The following METTL6 variants were observed in gnomAD, a reference collection of about 807,000 sequenced individuals.
The protein encoded by METTL6 is methyltransferase 6, tRNA N3-cytidine.
In METTL6, 22 loss-of-function variants were observed where a neutral mutation model predicts 26.4. The ratio of observed to expected loss-of-function variants is 0.83; its 90% CI spans 0.59 to 1.19. The LOEUF (loss-of-function observed/expected upper bound fraction) is 1.19. Among genes scored for constraint, METTL6 ranks in the 50% most tolerant of loss-of-function variants. METTL6 has a pLI of 0.00. For missense variants in METTL6, 304 were observed against 324.8 expected (o/e 0.94, Z 0.49); for synonymous variants, 109 against 116.2 (o/e 0.94, Z 0.40).
rs1699906850 is a variant in METTL6 at position 15,410,063 on chromosome 3, C to T, written c.*1193G>A. On this transcript the variant is annotated 3_prime_UTR_variant, in exon 6 of 6. Coordinates refer to ENST00000383790, the MANE Select transcript of METTL6 (RefSeq NM_152396.4). ...TTTCTTTGTGGAATTTTACAGTGAA[C>T]AATATGGCTAAATTATGTTATTCTA... is the stretch of plus-strand genomic sequence containing the variant. Among the ~76,000 whole-genome samples the T allele has an allele frequency of 1.3e-5, 2 of 152,038 alleles. No individual in the cohort carries two copies. The highest frequency in any genetic ancestry group is 4.8e-5 in the African/African-American group (2 of 41,392).
At chr3:15,422,922 GATTTAA>G (rs1296675776) in intron 3 of METTL6, among the ~76,000 whole-genome samples, 1 of 152,110 alleles carries the variant, frequency 6.6e-6, no homozygotes, top group Admixed American at 6.5e-5. Flanking sequence ...TATTTTACCT[GATTTAA>G]ATTTAACTTC....
downstream of METTL6, among the ~76,000 whole-genome samples, chr3:15,408,583 T>C (rs11712835): frequency 0.032 from 4,000 of 123,718 alleles, 86 homozygotes; most frequent in Non-Finnish European, 0.049. Flanking sequence ...TTTTTTTCAA[T>C]TGGACACGGG....
downstream of METTL6, among the ~76,000 whole-genome samples, chr3:15,408,382 T>G (rs192524766): frequency 6.6e-6 from 1 of 152,290 alleles, no homozygotes; most frequent in Non-Finnish European, 1.5e-5. Flanking sequence ...GAAATGATAC[T>G]CACGTGCCAT....
chr3:15,411,140 C>T lies in METTL6; in HGVS notation c.*116G>A. Reference sequence around the variant, plus strand: ...AAACTCCTGACCTCAGATGATCCCCCAACCTCGGCCTCCCGAAGTGCTGGG... The same window carrying T: ...AAACTCCTGACCTCAGATGATCCCCTAACCTCGGCCTCCCGAAGTGCTGGG... On this transcript the variant is annotated 3_prime_UTR_variant, in exon 6 of 6. Coordinates refer to ENST00000383790, the MANE Select transcript of METTL6 (RefSeq NM_152396.4). 8.5e-7 allele frequency: 1 copy of T among 1,172,080 alleles called. No homozygotes were observed. The highest frequency in any genetic ancestry group is 1.2e-6 in the Non-Finnish European group (1 of 846,808). 72.6% of individuals were successfully genotyped at this position (1,172,080 alleles called of 1,614,324 possible). A position where few individuals can be genotyped will look rare whatever the true frequency, so the allele number is the denominator to read the frequency against.
At chr3:15,390,421 C>T (rs1575386506) in intron 6 of METTL6, among the ~76,000 whole-genome samples, 3 of 152,194 alleles carry the variant, frequency 2.0e-5, no homozygotes, top group Admixed American at 2.0e-4. Context: ...GAGCAAGACT[C>T]TGTCTCAAAA....
At chr3:15,412,976 G>A (rs1330084072) in intron 5 of METTL6, among the ~76,000 whole-genome samples, 2 of 152,182 alleles carry the variant, frequency 1.3e-5, no homozygotes, top group Non-Finnish European at 2.9e-5. Flanking sequence ...TGGGCATGGT[G>A]GCTCATACCT....
intron 6 of METTL6, among the ~76,000 whole-genome samples, chr3:15,394,963 G>GA (rs1342411339): frequency 6.6e-6 from 1 of 152,230 alleles, no homozygotes; most frequent in Non-Finnish European, 1.5e-5. Context: ...GTGCTGAAAA[G>GA]AATGTATATT....
chr3:15,419,849 G>A (rs1252994404), intron 3 of METTL6, among the ~76,000 whole-genome samples: 2 of 150,432 alleles, frequency 1.3e-5, no homozygotes, highest in Admixed American at 6.6e-5. Flanking sequence ...TATAAATAGG[G>A]TAACTGTTTT....
At chr3:15,414,302 C>T in intron 4 of METTL6, 140 bp from the exon 5 acceptor site, 3 of 1,441,136 alleles carry the variant, frequency 2.1e-6, no homozygotes, top group South Asian at 3.0e-5. Context: ...CCAAAATGGC[C>T]TACTACTTAA....
chr3:15,405,841 G>A (rs1041945167), downstream of METTL6, among the ~76,000 whole-genome samples: 22 of 152,296 alleles, frequency 1.4e-4, no homozygotes, highest in African/African-American at 4.8e-4. Flanking sequence ...CAGCAGCCCT[G>A]CCAGGTACTA....
At chr3:15,407,631 CTA>C (rs1699838123), downstream of METTL6, among the ~76,000 whole-genome samples, 1 of 152,162 alleles carries the variant, frequency 6.6e-6, no homozygotes, top group Non-Finnish European at 1.5e-5. Context: ...ACTGAGAACA[CTA>C]TTGATGGAAA....
chr3:15,415,668 T>C lies in METTL6; in HGVS notation c.531+104A>G, dbSNP rs1416967422. On this transcript the variant is annotated intron_variant, in intron 4 of 5. Transcript: ENST00000383790. ...CACTACACAGCCTACCTAGTGAGAA[T>C]GGAGAGACTATGTGAATCTAGACAG... 7 of 1,600,770 alleles carry C rather than the reference T, an allele frequency of 4.4e-6. No individual in the cohort carries two copies. In the African/African-American group the frequency reaches 9.4e-5, roughly 21 times the overall value.
chr3:15,421,469 T>C (rs2061610002), intron 3 of METTL6, among the ~76,000 whole-genome samples: 2 of 152,072 alleles, frequency 1.3e-5, no homozygotes, highest in Non-Finnish European at 2.9e-5. Flanking sequence ...AGGGTTTGGG[T>C]TTTGTTATTT....
chr3:15,391,461 C>A (rs1699343114), intron 6 of METTL6, among the ~76,000 whole-genome samples: 1 of 152,022 alleles, frequency 6.6e-6, no homozygotes, highest in Non-Finnish European at 1.5e-5. Context: ...TGTTACATTG[C>A]AGAACAATTC....
chr3:15,386,243 T>G (rs1484727474), intron 6 of METTL6, among the ~76,000 whole-genome samples: 1 of 152,148 alleles, frequency 6.6e-6, no homozygotes, highest in Admixed American at 6.5e-5. Flanking sequence ...TGGGAGTGTC[T>G]TTTAGCATGC....
intron 4 of METTL6, 143 bp downstream of exon 4, chr3:15,415,629 C>G (rs761164405): frequency 6.2e-7 from 1 of 1,607,902 alleles, no homozygotes; most frequent in South Asian, 1.1e-5. Context: ...CCAGAGGACC[C>G]CTTTCTATAC....
chr3:15,390,606 C>T (rs539136546), intron 6 of METTL6, among the ~76,000 whole-genome samples: 1 of 152,264 alleles, frequency 6.6e-6, no homozygotes, highest in African/African-American at 2.4e-5. Context: ...CTGGAAAAAA[C>T]GAATGCTGGA....
At chr3:15,413,747 T>C in intron 5 of METTL6, 2 of 1,382,608 alleles carry the variant, frequency 1.4e-6, no homozygotes, top group Admixed American at 4.7e-5. Flanking sequence ...GCACAATTCC[T>C]AGTAGGGAAT....
chr3:15,401,536 C>CAAAAAAAAAAAAAAAAAAAA (rs35578326), intron 6 of METTL6, among the ~76,000 whole-genome samples: 2 of 71,856 alleles, frequency 2.8e-5, no homozygotes, highest in African/African-American at 5.5e-5. Flanking sequence ...ATGTTCACGC[C>CAAAAAAAAAAAAAAAAAAAA]AAAAAAAAAA....
Sources: gnomAD v4.1 joint callset for allele counts (sites outside exome capture counted in the v4.1 genomes callset) on GRCh38, gnomAD v4.1.1 for gene constraint, MANE v1.5 for transcripts, NCBI Gene and HGNC (gene_info 2026-07-23, HGNC 2026-07-21) for gene names.